IL1RL2: variants seen among roughly 807,000 people sequenced by gnomAD.
IL1RL2 encodes interleukin-1 receptor-like 2.
In IL1RL2, 68 loss-of-function variants were observed where a neutral mutation model predicts 66.8. The observed-to-expected ratio is 1.02, with a 90% CI of 0.84 to 1.25. The LOEUF is 1.25. IL1RL2 is among the 50% of genes most tolerant of loss of function. The pLI, the probability that IL1RL2 is intolerant of heterozygous loss-of-function variation, is 0.00. For missense variants in IL1RL2, 729 were observed against 709.3 expected (o/e 1.03, Z -0.32); for synonymous variants, 305 against 264.6 (o/e 1.15, Z -1.48).
At chr2:102,228,963 T>C (rs1050259690) in intron 9 of IL1RL2, among the ~76,000 whole-genome samples, 2 of 152,086 alleles carry the variant, frequency 1.3e-5, no homozygotes, top group African/African-American at 4.8e-5. Context: ...GTAAATGTCA[T>C]AGCGTGTTTT....
At chr2:102,230,765 T>C (rs1263926327) in intron 9 of IL1RL2, among the ~76,000 whole-genome samples, 2 of 152,154 alleles carry the variant, frequency 1.3e-5, no homozygotes, top group Non-Finnish European at 2.9e-5. Flanking sequence ...GCGTGTGTGT[T>C]TGTGTTACCA....
At chr2:102,211,825 A>G (rs984627274) in intron 5 of IL1RL2, among the ~76,000 whole-genome samples, 1 of 152,324 alleles carries the variant, frequency 6.6e-6, no homozygotes, top group Non-Finnish European at 1.5e-5. Flanking sequence ...TTTATTATAA[A>G]AGCTTATTAG....
At chr2:102,238,915 A>T (rs945348311) in intron 11 of IL1RL2, among the ~76,000 whole-genome samples, 1 of 152,036 alleles carries the variant, frequency 6.6e-6, no homozygotes, top group African/African-American at 2.4e-5. Flanking sequence ...GGAGCTCTCC[A>T]CTTGAGAAGG....
intron 4 of IL1RL2, among the ~76,000 whole-genome samples, chr2:102,200,859 G>GGA (rs994131157): frequency 3.9e-5 from 6 of 152,162 alleles, no homozygotes; most frequent in African/African-American, 1.4e-4. Context: ...CCTTGTCCAT[G>GGA]GAGGAGGCAT....
At chr2:102,218,818 T>A (rs1274831271) in intron 6 of IL1RL2, 135 bp from the exon 7 acceptor site, 1 of 741,932 alleles carries the variant, frequency 1.3e-6, no homozygotes, top group Non-Finnish European at 2.2e-6. Context: ...AGATTAACAT[T>A]TGCCTAGGGG....
chr2:102,242,193 TC>T (rs1269598544), downstream of IL1RL2, among the ~76,000 whole-genome samples: 5 of 152,236 alleles, frequency 3.3e-5, no homozygotes, highest in Non-Finnish European at 7.3e-5. Flanking sequence ...AACAGCTTTT[TC>T]CTCCCTGATT....
At chr2:102,231,216 C>T (rs1691096877) in intron 9 of IL1RL2, among the ~76,000 whole-genome samples, 1 of 152,220 alleles carries the variant, frequency 6.6e-6, no homozygotes, top group African/African-American at 2.4e-5. Flanking sequence ...TCTGAAGCTG[C>T]ACCCCTGCAA....
chr2:102,214,851 G>A lies in IL1RL2; in HGVS notation c.724+2677G>A, dbSNP rs186950397. Among the ~76,000 whole-genome samples, 314 of 152,200 alleles carry A rather than the reference G, an allele frequency of 2.1e-3. 1 individual carries two copies. The highest frequency in any genetic ancestry group is 7.1e-3 in the African/African-American group (297 of 41,542). On this transcript the variant is annotated intron_variant, in intron 6 of 11. Coordinates refer to ENST00000264257, the MANE Select transcript of IL1RL2 (RefSeq NM_003854.4). ...CTAGGGGCTCCTAGCACTAATTCCC[G>A]TACAAAAGGGCCAAAATATAAAATA...
intron 4 of IL1RL2, among the ~76,000 whole-genome samples, chr2:102,198,806 A>C (rs1249030038): frequency 6.6e-6 from 1 of 151,964 alleles, no homozygotes; most frequent in East Asian, 1.9e-4. Context: ...GATTTATAGA[A>C]CCATCCGTTT....
chr2:102,199,872 G>C (rs1451641326), intron 4 of IL1RL2, among the ~76,000 whole-genome samples: 3 of 152,020 alleles, frequency 2.0e-5, no homozygotes, highest in Admixed American at 2.0e-4. Flanking sequence ...ATTGTACTTT[G>C]TTTGGGCTGA....
At chr2:102,189,845 G>A (rs1687076533) in intron 3 of IL1RL2, among the ~76,000 whole-genome samples, 1 of 152,186 alleles carries the variant, frequency 6.6e-6, no homozygotes. Flanking sequence ...GTAGAGATGG[G>A]GTTTCACCGT....
At chr2:102,211,314 T>C (rs1001780959) in intron 5 of IL1RL2, among the ~76,000 whole-genome samples, 7 of 152,046 alleles carry the variant, frequency 4.6e-5, no homozygotes, top group African/African-American at 1.7e-4. Context: ...AGGAAAGAAG[T>C]AGAGAAAGAC....
At chr2:102,230,739 G>A (rs1458221407) in intron 9 of IL1RL2, among the ~76,000 whole-genome samples, 1 of 152,152 alleles carries the variant, frequency 6.6e-6, no homozygotes, top group Admixed American at 6.5e-5. Context: ...AAGCATGGGT[G>A]TGCATGCATG....
chr2:102,187,354 C>G (rs1243163593), intron 1 of IL1RL2: 8 of 1,162,162 alleles, frequency 6.9e-6, no homozygotes, highest in Middle Eastern at 7.9e-4. Flanking sequence ...TAGGCCTGCC[C>G]TGGCTGCTCC....
intron 4 of IL1RL2, among the ~76,000 whole-genome samples, chr2:102,193,664 T>C (rs968271770): frequency 3.9e-5 from 6 of 152,242 alleles, no homozygotes; most frequent in Admixed American, 1.3e-4. Context: ...CCAGGAGTAT[T>C]CTAGATTTCC....
chr2:102,207,746 G>A (rs73947309), intron 5 of IL1RL2, among the ~76,000 whole-genome samples: 2,456 of 152,260 alleles, frequency 0.016, 63 homozygotes, highest in African/African-American at 0.056. Flanking sequence ...CCCTAGATGG[G>A]AATACTGAGG....
intron 1 of IL1RL2, 67 bp from the exon 2 acceptor site, chr2:102,187,789 C>A (rs1360116541): frequency 2.2e-6 from 3 of 1,380,728 alleles, no homozygotes; most frequent in Middle Eastern, 1.8e-4. Context: ...CCGAGGTCGC[C>A]CACGCCGGCG....
chr2:102,199,034 C>G (rs927745853), intron 4 of IL1RL2, among the ~76,000 whole-genome samples: 1 of 152,110 alleles, frequency 6.6e-6, no homozygotes, highest in Non-Finnish European at 1.5e-5. Context: ...TTAGTAACAC[C>G]TTTGCTTACC....
intron 9 of IL1RL2, among the ~76,000 whole-genome samples, chr2:102,228,645 G>T (rs1690847801): frequency 6.6e-6 from 1 of 150,552 alleles, no homozygotes; most frequent in Non-Finnish European, 1.5e-5. Context: ...GGATAGAATG[G>T]CTAAAACGAA....
Sources: allele counts gnomAD v4.1 joint callset (sites outside exome capture counted in the v4.1 genomes callset), GRCh38; gene constraint gnomAD v4.1.1; transcripts MANE v1.5; gene names NCBI Gene and HGNC (gene_info 2026-07-23, HGNC 2026-07-21).